MAN2A1: variants seen among roughly 807,000 people sequenced by gnomAD.
MAN2A1 encodes the protein alpha-mannosidase 2.
A neutral mutation model predicts 142.6 loss-of-function variants in MAN2A1; 76 were observed. The ratio of observed to expected loss-of-function variants is 0.53; its 90% CI spans 0.44 to 0.65. The LOEUF is 0.65. Among genes scored for constraint, MAN2A1 ranks in the 30% least tolerant of loss-of-function variants. The pLI, the probability that MAN2A1 is intolerant of heterozygous loss-of-function variation, is 0.00. For synonymous variants in MAN2A1, 559 were observed against 473.2 expected, an observed-to-expected ratio of 1.18 and a Z score of -2.35; for missense variants, 1,311 against 1,365.1, an observed-to-expected ratio of 0.96 and a Z score of 0.62.
In MAN2A1 at chr5:109,868,253, T is replaced by A. The variant is rs1755931208; in HGVS notation, c.*1255T>A. 6.6e-6 allele frequency: 1 copy of A among 152,246 alleles called. No homozygotes were observed. Among genetic ancestry groups the A allele is most frequent in the Admixed American group, 6.5e-5 (1 of 15,286 alleles). The allele number at this position is 152,246 out of a possible 1,614,324, so 9.4% of individuals were successfully genotyped here. ...TGTAGCTCATCATGGTTTATCTTAC[T>A]AAGGAATATGTTTGTTCATTCAGTT... On this transcript the variant is annotated 3_prime_UTR_variant, in exon 22 of 22. Transcript: ENST00000261483.
chr5:109,723,537 A>G (rs1425551943), intron 3 of MAN2A1, among the ~76,000 whole-genome samples: 3 of 152,044 alleles, frequency 2.0e-5, no homozygotes, highest in African/African-American at 7.2e-5. Context: ...TTTTTACAGA[A>G]TTTTGCAGTG....
chr5:109,766,859 A>AT (rs1361725406), intron 5 of MAN2A1, among the ~76,000 whole-genome samples: 4 of 152,018 alleles, frequency 2.6e-5, no homozygotes, highest in Non-Finnish European at 5.9e-5. Context: ...ATTTTTTTAC[A>AT]TTTTATCCTC....
intron 15 of MAN2A1, among the ~76,000 whole-genome samples, chr5:109,821,078 A>C (rs1347386429): frequency 6.6e-6 from 1 of 152,212 alleles, no homozygotes; most frequent in Non-Finnish European, 1.5e-5. Context: ...CACATTTTGA[A>C]AATGCCAGAA....
At chr5:109,827,115 TTG>T (rs1754779649) in intron 16 of MAN2A1, among the ~76,000 whole-genome samples, 1 of 152,244 alleles carries the variant, frequency 6.6e-6, no homozygotes, top group South Asian at 2.1e-4. Context: ...AGCCTATTTG[TTG>T]TTAGTACCAG....
Position 109,732,436 on chromosome 5 carries a change from T to G in MAN2A1, c.707+2923T>G, listed in dbSNP as rs368058284. ...GGTGTTTTAGACATGAAGTCCTTGC[T>G]CATGCCTATGTCCTGAATGGTAATG... On this transcript the variant is annotated intron_variant, in intron 4 of 21. Transcript: ENST00000261483. Among the ~76,000 whole-genome samples the G allele has an allele frequency of 1.4e-4, 21 of 151,964 alleles. No individual in the cohort carries two copies. The South Asian group carries it at 4.4e-3, about 32-fold the overall frequency.
At chr5:109,690,642 C>T (rs1033311389) in intron 1 of MAN2A1, 90 bp downstream of exon 1, 2 of 1,413,274 alleles carry the variant, frequency 1.4e-6, no homozygotes, top group Non-Finnish European at 9.6e-7. Context: ...TTCCTCCCGC[C>T]GCGGCCCCAC....
intron 4 of MAN2A1, among the ~76,000 whole-genome samples, chr5:109,754,652 T>C (rs923374216): frequency 3.3e-5 from 5 of 152,210 alleles, no homozygotes; most frequent in African/African-American, 1.2e-4. Flanking sequence ...TAAACACTCA[T>C]CAAGCATATA....
chr5:109,853,440 A>G (rs1755532373), intron 19 of MAN2A1: 1 of 152,194 alleles, frequency 6.6e-6, no homozygotes, highest in Non-Finnish European at 1.5e-5. Flanking sequence ...GGTTAGGAAG[A>G]ACTAATTTGG....
intron 3 of MAN2A1, 30 bp downstream of exon 3, chr5:109,716,294 G>T (rs1267467357): frequency 1.3e-6 from 2 of 1,573,190 alleles, no homozygotes; most frequent in Non-Finnish European, 1.7e-6. Context: ...AAGACAGGAG[G>T]TTATTAAGTT....
chr5:109,767,304 C>A (rs1288300925), intron 5 of MAN2A1, among the ~76,000 whole-genome samples: 1 of 152,108 alleles, frequency 6.6e-6, no homozygotes, highest in Non-Finnish European at 1.5e-5. Context: ...TTTATTTGAA[C>A]TCTAACTGAT....
chr5:109,785,801 A>C (rs1258300521), intron 10 of MAN2A1, among the ~76,000 whole-genome samples: 1 of 152,100 alleles, frequency 6.6e-6, no homozygotes, highest in East Asian at 1.9e-4. Context: ...ACTGTTTATC[A>C]GCAGTGTTGT....
Position 109,867,476 on chromosome 5 carries a change from A to C in MAN2A1, c.*478A>C, listed in dbSNP as rs1308624678. On this transcript the variant is annotated 3_prime_UTR_variant, in exon 22 of 22. Coordinates refer to ENST00000261483, the MANE Select transcript of MAN2A1 (RefSeq NM_002372.4). ...GCAATCATTCATACTAGTTAGAAAAATTATGTGTTGAAATAAGTGGAAAAG... is the reference window on the plus strand; with the variant it reads ...GCAATCATTCATACTAGTTAGAAAACTTATGTGTTGAAATAAGTGGAAAAG... The C allele has an allele frequency of 6.5e-6, 1 of 152,696 alleles. No individual in the cohort carries two copies. Among genetic ancestry groups the C allele is most frequent in the Non-Finnish European group, 1.5e-5 (1 of 68,082 alleles). 9.5% of individuals were successfully genotyped at this position (152,696 alleles called of 1,614,324 possible). A position where few individuals can be genotyped will look rare whatever the true frequency, so the allele number is the denominator to read the frequency against.
intron 21 of MAN2A1, among the ~76,000 whole-genome samples, chr5:109,866,219 G>C (rs1438558766): frequency 6.6e-6 from 1 of 151,566 alleles, no homozygotes; most frequent in Non-Finnish European, 1.5e-5. Flanking sequence ...TTGGTTCTGA[G>C]CATTCTGACA....
intron 8 of MAN2A1, among the ~76,000 whole-genome samples, chr5:109,779,562 C>T (rs553079919): frequency 5.5e-5 from 5 of 90,942 alleles, no homozygotes; most frequent in South Asian, 3.3e-4. Flanking sequence ...CACACACACG[C>T]GTGCACACAC....
rs563709265 is a variant in MAN2A1, at chr5:109,756,280, C to T, written c.835+824C>T. Among the ~76,000 whole-genome samples, 7 of 152,116 alleles carry T rather than the reference C, an allele frequency of 4.6e-5. No individual in the cohort carries two copies. The South Asian group carries it at 1.2e-3, about 27-fold the overall frequency. On this transcript the variant is annotated intron_variant, in intron 5 of 21. Coordinates refer to ENST00000261483, the MANE Select transcript of MAN2A1 (RefSeq NM_002372.4). ...ATGCTAGACTGATAGAATCAGATGT[C>T]CACTATAAAAACTTGGGACTAATAG...
rs1454873126 is a variant in MAN2A1, at chr5:109,865,302, A to G, written c.3282+156A>G. 6.4e-5 allele frequency: 39 copies of G among 609,836 alleles called. 1 individual carries two copies. The South Asian group carries it at 6.8e-4, about 11-fold the overall frequency. The allele number at this position is 609,836 out of a possible 1,614,324, so 37.8% of individuals were successfully genotyped here. ...TTGAATCTCCCCATCTGAAAAATGC[A>G]CTTTCTCAAAACTTCAGCCTCCTTT... On this transcript the variant is annotated intron_variant, in intron 21 of 21. Transcript: ENST00000261483.
chr5:109,813,916 A>G (rs928729691), intron 12 of MAN2A1, among the ~76,000 whole-genome samples: 2 of 152,202 alleles, frequency 1.3e-5, no homozygotes, highest in African/African-American at 4.8e-5. Flanking sequence ...CTCCAGCCAA[A>G]GTAGATTATC....
intron 4 of MAN2A1, among the ~76,000 whole-genome samples, chr5:109,736,770 G>C (rs957219888): frequency 1.3e-5 from 2 of 151,866 alleles, no homozygotes; most frequent in Non-Finnish European, 2.9e-5. Flanking sequence ...TATTTTACCA[G>C]TTTTTACTCT....
At chr5:109,784,590 G>T (rs1322810075) in intron 9 of MAN2A1, among the ~76,000 whole-genome samples, 154 bp from the exon 10 acceptor site, 2 of 152,084 alleles carry the variant, frequency 1.3e-5, no homozygotes, top group African/African-American at 4.8e-5. Context: ...TACATTGGTT[G>T]TTTTATATGA....
Sources: allele counts gnomAD v4.1 joint callset (sites outside exome capture counted in the v4.1 genomes callset), GRCh38; gene constraint gnomAD v4.1.1; transcripts MANE v1.5; gene names NCBI Gene and HGNC (gene_info 2026-07-23, HGNC 2026-07-21).